RARB: variants seen among roughly 807,000 people sequenced by gnomAD.
The protein encoded by RARB is retinoic acid receptor beta.
RARB carries 17 observed loss-of-function variants against 51.9 expected under a neutral mutation model. That is an observed-to-expected ratio of 0.33 (90% confidence interval 0.22 to 0.49). The LOEUF (loss-of-function observed/expected upper bound fraction) is 0.49. Among genes scored for constraint, RARB ranks in the 20% least tolerant of loss-of-function variants. RARB has a pLI of 0.99. For missense variants in RARB, 369 were observed against 550.8 expected (o/e 0.67, Z 3.30); for synonymous variants, 215 against 195.4 (o/e 1.10, Z -0.84).
intron 5 of RARB, among the ~76,000 whole-genome samples, chr3:25,224,131 C>T (rs895688727): frequency 6.6e-6 from 1 of 152,142 alleles, no homozygotes; most frequent in Non-Finnish European, 1.5e-5. Context: ...AAAATGGCCT[C>T]AATTCATACA....
At chr3:25,377,016 A>AGTTT (rs796685269) in intron 5 of RARB, among the ~76,000 whole-genome samples, 16 of 151,576 alleles carry the variant, frequency 1.1e-4, no homozygotes, top group Non-Finnish European at 1.6e-4. Flanking sequence ...GTATTAGTTT[A>AGTTT]GTTTGTTTGT....
In RARB at chr3:24,830,791, C is replaced by T. The variant is rs576415141; in HGVS notation, c.-459+1388C>T. 4.6e-5 allele frequency among the ~76,000 whole-genome samples: 7 copies of T among 151,224 alleles called. No individual in the cohort carries two copies. In the South Asian group the frequency reaches 8.4e-4, roughly 18 times the overall value. On this transcript the variant is annotated intron_variant, in intron 1 of 11. Transcript: ENST00000383772. ...CGGGAGAAAGACAGGTGAGGCGGAG[C>T]GGAGGATAAGAAACCGAATGGGAGA... is the stretch of plus-strand genomic sequence containing the variant.
chr3:25,505,168 A>G (rs1444621595), intron 3 of RARB, among the ~76,000 whole-genome samples: 1 of 152,074 alleles, frequency 6.6e-6, no homozygotes, highest in Admixed American at 6.5e-5. Flanking sequence ...CCCAGGTCCC[A>G]CCATTTTTTT....
chr3:25,064,760 CAG>C (rs1559452909), intron 3 of RARB, among the ~76,000 whole-genome samples: 1 of 152,158 alleles, frequency 6.6e-6, no homozygotes, highest in African/African-American at 2.4e-5. Flanking sequence ...CCACTAGACT[CAG>C]AGCCCCACAA....
chr3:24,890,421 T>A (rs934560702), intron 2 of RARB, among the ~76,000 whole-genome samples: 11 of 152,174 alleles, frequency 7.2e-5, no homozygotes, highest in African/African-American at 2.7e-4. Flanking sequence ...TTCTGAGAGT[T>A]TGGACTTATT....
At chr3:25,294,467 T>G (rs1483887064) in intron 5 of RARB, among the ~76,000 whole-genome samples, 1 of 152,026 alleles carries the variant, frequency 6.6e-6, no homozygotes, top group Non-Finnish European at 1.5e-5. Flanking sequence ...GGTCATACAG[T>G]TGATGTAAGA....
intron 4 of RARB, among the ~76,000 whole-genome samples, chr3:25,145,538 C>A (rs1322561986): frequency 1.3e-5 from 2 of 152,106 alleles, no homozygotes; most frequent in African/African-American, 2.4e-5. Context: ...TCAGCACTCA[C>A]CATTTTTCAA....
At chr3:25,230,630 A>C (rs988337353) in intron 5 of RARB, among the ~76,000 whole-genome samples, 9 of 151,998 alleles carry the variant, frequency 5.9e-5, no homozygotes, top group Non-Finnish European at 1.5e-5. Flanking sequence ...CATTATATAC[A>C]CATCACCTGG....
intron 2 of RARB, among the ~76,000 whole-genome samples, chr3:24,900,184 C>A (rs778004767): frequency 6.6e-6 from 1 of 152,130 alleles, no homozygotes; most frequent in Non-Finnish European, 1.5e-5. Context: ...TTGGTAGACT[C>A]CAAGGATTGT....
chr3:24,898,544 T>C (rs967813936), intron 2 of RARB, among the ~76,000 whole-genome samples: 2 of 152,232 alleles, frequency 1.3e-5, no homozygotes, highest in East Asian at 1.9e-4. Flanking sequence ...AATAACCTTA[T>C]GCGTAGAACA....
chr3:24,979,728 G>T (rs886463519), intron 2 of RARB, among the ~76,000 whole-genome samples: 2 of 151,920 alleles, frequency 1.3e-5, no homozygotes, highest in African/African-American at 4.8e-5. Flanking sequence ...TCTTTATCCA[G>T]TTTGCCAGCC....
chr3:25,565,294 T>A (rs137910801), intron 3 of RARB, among the ~76,000 whole-genome samples: 1 of 152,196 alleles, frequency 6.6e-6, no homozygotes, highest in Non-Finnish European at 1.5e-5. Context: ...AATAGTGATA[T>A]CTACTCTATT....
intron 5 of RARB, among the ~76,000 whole-genome samples, chr3:25,358,233 T>A (rs1705812304): frequency 1.3e-5 from 2 of 152,192 alleles, no homozygotes; most frequent in Non-Finnish European, 2.9e-5. Context: ...TTTTATTCTC[T>A]TTGTAGCAAT....
intron 5 of RARB, among the ~76,000 whole-genome samples, chr3:25,224,767 G>T (rs1702018637): frequency 6.6e-6 from 1 of 151,836 alleles, no homozygotes; most frequent in Admixed American, 6.6e-5. Context: ...CACCACACCT[G>T]GCTAGTTTTT....
At chr3:25,013,894 G>A (rs1697450360) in intron 2 of RARB, among the ~76,000 whole-genome samples, 1 of 151,994 alleles carries the variant, frequency 6.6e-6, no homozygotes, top group Admixed American at 6.6e-5. Flanking sequence ...AACATAAAAG[G>A]GAATGTTTTG....
At chr3:24,914,401 C>G (rs943834262) in intron 2 of RARB, among the ~76,000 whole-genome samples, 12 of 152,120 alleles carry the variant, frequency 7.9e-5, no homozygotes, top group Non-Finnish European at 1.6e-4. Flanking sequence ...GGTATGCCCT[C>G]TCAGATAGGC....
chr3:25,379,158 C>A (rs1234793847), intron 5 of RARB, among the ~76,000 whole-genome samples: 2 of 152,072 alleles, frequency 1.3e-5, no homozygotes, highest in Non-Finnish European at 2.9e-5. Context: ...TACAAACTCC[C>A]CACCCTCAGC....
intron 4 of RARB, among the ~76,000 whole-genome samples, chr3:25,157,492 C>T (rs1159603654): frequency 6.6e-6 from 1 of 152,022 alleles, no homozygotes; most frequent in Non-Finnish European, 1.5e-5. Context: ...CAACCTCAGC[C>T]TCCCAGGTGA....
At chr3:25,249,220 T>A (rs1702644089) in intron 5 of RARB, among the ~76,000 whole-genome samples, 1 of 152,146 alleles carries the variant, frequency 6.6e-6, no homozygotes, top group Non-Finnish European at 1.5e-5. Context: ...AGTCTGTTAT[T>A]AAAGCTTTTG....
Sources: allele counts gnomAD v4.1 joint callset (sites outside exome capture counted in the v4.1 genomes callset), GRCh38; gene constraint gnomAD v4.1.1; transcripts MANE v1.5; gene names NCBI Gene and HGNC (gene_info 2026-07-23, HGNC 2026-07-21).